The following COL4A4 variants were observed in gnomAD, a reference collection of about 807,000 sequenced individuals.
COL4A4 encodes the protein collagen type IV alpha 4 chain.
A neutral mutation model predicts 192.9 loss-of-function variants in COL4A4; 105 were observed. The observed-to-expected ratio is 0.54, with a 90% CI of 0.46 to 0.64. COL4A4 has a LOEUF of 0.64. COL4A4 is among the 30% of genes least tolerant of loss of function. The probability of loss-of-function intolerance (pLI) is 0.00; values close to 1 mark genes in which losing one functional copy is unlikely to be tolerated. For missense variants in COL4A4, 1,967 were observed against 2,169.3 expected, an observed-to-expected ratio of 0.91 and a Z score of 1.85; for synonymous variants, 762 against 769.9, an observed-to-expected ratio of 0.99 and a Z score of 0.17.
intron 22 of COL4A4, among the ~76,000 whole-genome samples, chr2:227,087,837 GC>G (rs1340481192): frequency 1.3e-5 from 2 of 152,204 alleles, no homozygotes; most frequent in Non-Finnish European, 2.9e-5. Context: ...AAAGCCCCAT[GC>G]TCTGCAGCCC....
chr2:227,031,231 G>A (rs546973188), intron 40 of COL4A4, among the ~76,000 whole-genome samples: 109 of 152,268 alleles, frequency 7.2e-4, no homozygotes, highest in African/African-American at 2.4e-3. Context: ...ACTTCTTAGC[G>A]CACTTTTGAG....
chr2:227,007,285 GAAGTTTCTCTT>G lies in COL4A4; in HGVS notation c.*29_*39del. On this transcript the variant is annotated 3_prime_UTR_variant, in exon 48 of 48. Coordinates refer to ENST00000396625, the MANE Select transcript of COL4A4 (RefSeq NM_000092.5). ...AGTCTAGGAAGTCTTAGCCCCCTAG[GAAGTTTCTCTT>G]GGCCACGTGTTGGTGAATTTCGCAT... is the stretch of plus-strand genomic sequence containing the variant. 1.2e-6 allele frequency: 2 copies of G among 1,613,786 alleles called. No individual in the cohort carries two copies. Among genetic ancestry groups the G allele is most frequent in the Non-Finnish European group, 1.7e-6 (2 of 1,179,810 alleles).
Position 227,088,508 on chromosome 2 carries a change from T to C in COL4A4, c.1623+145A>G, listed in dbSNP as rs952482974. 128 of 1,063,076 alleles carry C rather than the reference T, an allele frequency of 1.2e-4. 1 individual carries two copies. In the Middle Eastern group the frequency reaches 4.4e-3, roughly 36 times the overall value. The allele number at this position is 1,063,076 out of a possible 1,614,324, so 65.9% of individuals were successfully genotyped here. A position where few individuals can be genotyped will look rare whatever the true frequency, so the allele number is the denominator to read the frequency against. On this transcript the variant is annotated intron_variant, in intron 22 of 47. Coordinates refer to ENST00000396625, the MANE Select transcript of COL4A4 (RefSeq NM_000092.5). Reference sequence around the variant, plus strand: ...CCATGATTGTAAGTTTCCTGAGGCCTCCCCACCCATACAGAACTGCGAGTC... The same window carrying C: ...CCATGATTGTAAGTTTCCTGAGGCCCCCCCACCCATACAGAACTGCGAGTC...
At chr2:227,058,593 A>C (rs1976095200) in intron 28 of COL4A4, among the ~76,000 whole-genome samples, 1 of 152,114 alleles carries the variant, frequency 6.6e-6, no homozygotes, top group South Asian at 2.1e-4. Context: ...CCTAATAAAC[A>C]CTGGCCCACC....
At chr2:227,070,875 T>TA (rs1553653262) in intron 25 of COL4A4, among the ~76,000 whole-genome samples, 7 of 149,832 alleles carry the variant, frequency 4.7e-5, no homozygotes, top group East Asian at 2.0e-4. Flanking sequence ...TAAAGTATAA[T>TA]AATAAATAAA....
chr2:227,010,542 G>A lies in COL4A4; in HGVS notation c.4334-41C>T, dbSNP rs1963441832. 6.8e-6 allele frequency: 10 copies of A among 1,466,922 alleles called. No homozygotes were observed. The East Asian group carries it at 2.4e-4, about 35-fold the overall frequency. The allele number at this position is 1,466,922 out of a possible 1,614,324, so 90.9% of individuals were successfully genotyped here. A position where few individuals can be genotyped will look rare whatever the true frequency, so the allele number is the denominator to read the frequency against. The stretch of plus-strand genomic sequence containing the variant: ...AAAAAAATTGAAGGCAGGTTAGGGG[G>A]TTTGGTTTAACAAATATGTTAAGCA... On this transcript the variant is annotated intron_variant, in intron 45 of 47. Coordinates refer to ENST00000396625, the MANE Select transcript of COL4A4 (RefSeq NM_000092.5).
At chr2:226,992,194 T>C in the COL4A4 span, among the ~76,000 whole-genome samples, 1 of 152,214 alleles carries the variant, frequency 6.6e-6, no homozygotes, top group Non-Finnish European at 1.5e-5. Flanking sequence ...AGACAGAGTG[T>C]ACCTGAGACT....
intron 6 of COL4A4, among the ~76,000 whole-genome samples, chr2:227,119,530 A>T (rs1255465044): frequency 6.7e-6 from 1 of 148,624 alleles, no homozygotes; most frequent in African/African-American, 2.4e-5. Context: ...TATGTAAAAT[A>T]TAAGATACAT....
intron 3 of COL4A4, among the ~76,000 whole-genome samples, chr2:227,141,514 A>G (rs992833643): frequency 2.0e-5 from 3 of 152,168 alleles, no homozygotes; most frequent in South Asian, 2.1e-4. Flanking sequence ...TAATCAGCAT[A>G]TATTATTTTT....
At chr2:227,134,507 C>A (rs905909037) in intron 4 of COL4A4, among the ~76,000 whole-genome samples, 10 of 152,162 alleles carry the variant, frequency 6.6e-5, no homozygotes, top group Non-Finnish European at 1.5e-4. Context: ...AACCATGTAT[C>A]AGGCTACAGG....
intron 4 of COL4A4, among the ~76,000 whole-genome samples, chr2:227,132,602 C>G (rs1334051857): frequency 6.6e-6 from 1 of 152,056 alleles, no homozygotes; most frequent in East Asian, 1.9e-4. Flanking sequence ...ATGGTGAAAT[C>G]CCGGCTCTAC....
intron 1 of COL4A4, among the ~76,000 whole-genome samples, chr2:227,153,434 G>C (rs966089061): frequency 1.3e-5 from 2 of 152,176 alleles, no homozygotes; most frequent in African/African-American, 4.8e-5. Flanking sequence ...TTGTGTCAGA[G>C]CCCCACCTTC....
chr2:227,062,608 G>A lies in COL4A4; in HGVS notation c.1988-10C>T. The A allele has an allele frequency of 1.2e-6, 2 of 1,606,826 alleles. No homozygotes were observed. The highest frequency in any genetic ancestry group is 1.7e-6 in the Non-Finnish European group (2 of 1,173,454). On this transcript the variant is annotated splice_polypyrimidine_tract_variant and intron_variant, in intron 25 of 47. Coordinates refer to ENST00000396625, the MANE Select transcript of COL4A4 (RefSeq NM_000092.5). ...CAAGAAATTGTGTCACCTGCAATGAGAAAAGAAAAGCGGCATTCACATAAC... is the reference window on the plus strand; with the variant it reads ...CAAGAAATTGTGTCACCTGCAATGAAAAAAGAAAAGCGGCATTCACATAAC...
At chr2:227,109,819 C>G (rs1279219861) in intron 9 of COL4A4, among the ~76,000 whole-genome samples, 2 of 151,472 alleles carry the variant, frequency 1.3e-5, no homozygotes, top group Admixed American at 1.3e-4. Flanking sequence ...CATTTAGGGT[C>G]CAGTTAAGAC....
At chr2:227,100,940 G>A (rs1488466643) in intron 17 of COL4A4, among the ~76,000 whole-genome samples, 1 of 151,910 alleles carries the variant, frequency 6.6e-6, no homozygotes, top group Non-Finnish European at 1.5e-5. Flanking sequence ...AAGTAGCTGG[G>A]ACTACAGGCG....
intron 44 of COL4A4, among the ~76,000 whole-genome samples, chr2:227,013,956 A>G (rs182817002): frequency 6.6e-6 from 1 of 152,150 alleles, no homozygotes; most frequent in African/African-American, 2.4e-5. Context: ...CTACCCTTAA[A>G]GCAGCAACCC....
At chr2:227,124,788 T>C (rs1217442844) in intron 4 of COL4A4, among the ~76,000 whole-genome samples, 1 of 152,220 alleles carries the variant, frequency 6.6e-6, no homozygotes, top group Non-Finnish European at 1.5e-5. Context: ...AGAAATAAGA[T>C]TAATTAACAT....
chr2:227,077,119 C>T (rs1219101418), intron 25 of COL4A4, among the ~76,000 whole-genome samples: 1 of 152,094 alleles, frequency 6.6e-6, no homozygotes, highest in Non-Finnish European at 1.5e-5. Flanking sequence ...TACCATTTGA[C>T]CCAGCAATCC....
At chr2:227,118,600 C>T in intron 7 of COL4A4, 45 bp downstream of exon 7, 1 of 1,378,544 alleles carries the variant, frequency 7.3e-7, no homozygotes, top group East Asian at 2.3e-5. Context: ...ACCACAGGGC[C>T]TGTTCACTTA....
Sources: gnomAD v4.1 joint callset for allele counts (sites outside exome capture counted in the v4.1 genomes callset) on GRCh38, gnomAD v4.1.1 for gene constraint, MANE v1.5 for transcripts, NCBI Gene and HGNC (gene_info 2026-07-23, HGNC 2026-07-21) for gene names.